HS3ST4: variants seen among roughly 807,000 people sequenced by gnomAD.
The protein encoded by HS3ST4 is heparan sulfate-glucosamine 3-sulfotransferase 4.
A neutral mutation model predicts 29.2 loss-of-function variants in HS3ST4; 17 were observed. The observed-to-expected ratio is 0.58, with a 90% confidence interval of 0.40 to 0.87. The LOEUF is 0.87. Ranked by LOEUF, HS3ST4 falls within the 40% of genes least tolerant of loss-of-function variation. The pLI is 0.00. For synonymous variants in HS3ST4, 314 were observed against 285.7 expected, an observed-to-expected ratio of 1.10 and a Z score of -1.00; for missense variants, 627 against 634.5, an observed-to-expected ratio of 0.99 and a Z score of 0.13.
chr16:26,070,463 G>A (rs1182212778), intron 1 of HS3ST4, among the ~76,000 whole-genome samples: 2 of 152,138 alleles, frequency 1.3e-5, no homozygotes, highest in Non-Finnish European at 2.9e-5. Context: ...AATATAACCT[G>A]CACTTGGCAC....
At chr16:26,011,468 T>G (rs1286928673) in intron 1 of HS3ST4, among the ~76,000 whole-genome samples, 3 of 152,084 alleles carry the variant, frequency 2.0e-5, no homozygotes, top group Non-Finnish European at 4.4e-5. Flanking sequence ...GCTGAGACAC[T>G]AGAAGTGCTT....
chr16:25,816,403 C>T (rs997240350), intron 1 of HS3ST4, among the ~76,000 whole-genome samples: 4 of 152,156 alleles, frequency 2.6e-5, no homozygotes, highest in South Asian at 2.1e-4. Context: ...CTCCAGCACC[C>T]GTCCAGACTC....
At chr16:25,777,741 C>T (rs1966848952) in intron 1 of HS3ST4, among the ~76,000 whole-genome samples, 1 of 152,120 alleles carries the variant, frequency 6.6e-6, no homozygotes, top group Non-Finnish European at 1.5e-5. Context: ...GCACTCCAGC[C>T]TGGGCGACAG....
intron 1 of HS3ST4, among the ~76,000 whole-genome samples, chr16:25,857,465 A>T (rs1480273546): frequency 6.6e-6 from 1 of 152,182 alleles, no homozygotes; most frequent in East Asian, 1.9e-4. Context: ...CTATGTGGTC[A>T]TGATATATTT....
intron 1 of HS3ST4, among the ~76,000 whole-genome samples, chr16:25,959,564 C>T (rs1299150978): frequency 1.3e-5 from 2 of 152,186 alleles, no homozygotes; most frequent in Non-Finnish European, 2.9e-5. Flanking sequence ...GTGGCCAGAT[C>T]ACATTGCAGA....
At chr16:25,860,024 G>T (rs1340093388) in intron 1 of HS3ST4, among the ~76,000 whole-genome samples, 6 of 152,154 alleles carry the variant, frequency 3.9e-5, no homozygotes, top group African/African-American at 9.7e-5. Flanking sequence ...CTGTGCATGC[G>T]AGGGATCTAG....
At chr16:26,031,588 G>A (rs72780025) in intron 1 of HS3ST4, among the ~76,000 whole-genome samples, 6,792 of 151,860 alleles carry the variant, frequency 0.045, 170 homozygotes, top group Middle Eastern at 0.15. Context: ...GCAGAGAGGC[G>A]CAAATTGGCC....
chr16:25,846,915 G>A (rs911395785), intron 1 of HS3ST4, among the ~76,000 whole-genome samples: 1 of 151,794 alleles, frequency 6.6e-6, no homozygotes. Context: ...CTCTGTACTG[G>A]AATCCTATTC....
At chr16:25,939,682 T>G (rs1383711110) in intron 1 of HS3ST4, among the ~76,000 whole-genome samples, 1 of 152,152 alleles carries the variant, frequency 6.6e-6, no homozygotes, top group Non-Finnish European at 1.5e-5. Context: ...GCTTGCTTTC[T>G]GTGGAGAGAC....
rs540269499 is a variant in HS3ST4, at chr16:26,007,783, AT to A, written c.735-127828del. Reference sequence around the variant, plus strand: ...TTAGTAGAACTTTCATTTCTACTAAATGGGGGGTTATGAGGCAGTATCAAGG... The same window carrying A: ...TTAGTAGAACTTTCATTTCTACTAAAGGGGGGTTATGAGGCAGTATCAAGG... On this transcript the variant is annotated intron_variant, in intron 1 of 1. Coordinates refer to ENST00000331351, the MANE Select transcript of HS3ST4 (RefSeq NM_006040.3). 4.1e-3 allele frequency among the ~76,000 whole-genome samples: 626 copies of A among 152,306 alleles called. 3 individuals are homozygous for A. The highest frequency in any genetic ancestry group is 8.7e-3 in the South Asian group (42 of 4,826).
rs190996119 is a variant in HS3ST4 at position 25,832,848 on chromosome 16, C to A, written c.734+139697C>A. ...TTATCTTGTCTGATAGCACAATTTGCAGCAAAGACTCTCTCAATATTTCCC... is the reference window on the plus strand; with the variant it reads ...TTATCTTGTCTGATAGCACAATTTGAAGCAAAGACTCTCTCAATATTTCCC... On this transcript the variant is annotated intron_variant, in intron 1 of 1. Coordinates refer to ENST00000331351, the MANE Select transcript of HS3ST4 (RefSeq NM_006040.3). Among the ~76,000 whole-genome samples the A allele has an allele frequency of 7.2e-5, 11 of 152,232 alleles. No homozygotes were observed. In the East Asian group the frequency reaches 1.3e-3, roughly 19 times the overall value.
chr16:26,083,220 A>C (rs1425591149), intron 1 of HS3ST4, among the ~76,000 whole-genome samples: 4 of 152,226 alleles, frequency 2.6e-5, no homozygotes, highest in Admixed American at 2.6e-4. Flanking sequence ...AATCTCTAAA[A>C]TTGGAATGAT....
intron 1 of HS3ST4, among the ~76,000 whole-genome samples, chr16:25,856,826 T>C (rs530905610): frequency 6.6e-6 from 1 of 152,316 alleles, no homozygotes; most frequent in East Asian, 1.9e-4. Flanking sequence ...GTCGTATTCT[T>C]TAAAATAAAC....
chr16:25,934,946 A>G (rs1038665270), intron 1 of HS3ST4, among the ~76,000 whole-genome samples: 1 of 152,076 alleles, frequency 6.6e-6, no homozygotes, highest in Non-Finnish European at 1.5e-5. Flanking sequence ...TAATCCTTGC[A>G]ATCCCCGCAT....
intron 1 of HS3ST4, among the ~76,000 whole-genome samples, chr16:25,799,361 A>C (rs1347948995): frequency 6.6e-6 from 1 of 152,232 alleles, no homozygotes; most frequent in Non-Finnish European, 1.5e-5. Flanking sequence ...TTAATAGAAC[A>C]AAAAGTCCCC....
At chr16:25,958,968 A>G (rs1348251422) in intron 1 of HS3ST4, among the ~76,000 whole-genome samples, 2 of 152,206 alleles carry the variant, frequency 1.3e-5, no homozygotes, top group African/African-American at 4.8e-5. Context: ...TAATAAGTTC[A>G]TTGCACAATG....
chr16:25,828,871 G>A (rs905404606), intron 1 of HS3ST4, among the ~76,000 whole-genome samples: 5 of 152,156 alleles, frequency 3.3e-5, no homozygotes, highest in Non-Finnish European at 7.3e-5. Flanking sequence ...ACTTACTTGA[G>A]CATTAGTTTT....
At chr16:25,879,845 C>T (rs183107912) in intron 1 of HS3ST4, among the ~76,000 whole-genome samples, 207 of 152,158 alleles carry the variant, frequency 1.4e-3, no homozygotes, top group African/African-American at 4.2e-3. Context: ...ACAATCATGG[C>T]GGAAGGCAAA....
intron 1 of HS3ST4, among the ~76,000 whole-genome samples, chr16:26,119,539 G>T (rs1596688001): frequency 6.6e-6 from 1 of 152,114 alleles, no homozygotes. Context: ...TGAGGTTAGG[G>T]AGCCTGGAGT....
Sources: gnomAD v4.1 joint callset for allele counts (sites outside exome capture counted in the v4.1 genomes callset) on GRCh38, gnomAD v4.1.1 for gene constraint, MANE v1.5 for transcripts, NCBI Gene and HGNC (gene_info 2026-07-23, HGNC 2026-07-21) for gene names.